Variants in VAV3 observed in about 807,000 individuals in gnomAD.
VAV3 encodes guanine nucleotide exchange factor VAV3.
A neutral mutation model predicts 131.2 loss-of-function variants in VAV3; 94 were observed. That is an observed-to-expected ratio of 0.72 (90% CI 0.61 to 0.85). The LOEUF (loss-of-function observed/expected upper bound fraction) is 0.85. VAV3 is among the 40% of genes least tolerant of loss of function. The pLI, the probability that VAV3 is intolerant of heterozygous loss-of-function variation, is 0.00. For missense variants in VAV3, 939 were observed against 1,002.7 expected (o/e 0.94, Z 0.86); for synonymous variants, 349 against 342.0 (o/e 1.02, Z -0.22).
chr1:107,947,119 T>C (rs1674308514), intron 1 of VAV3, among the ~76,000 whole-genome samples: 1 of 152,160 alleles, frequency 6.6e-6, no homozygotes, highest in Admixed American at 6.5e-5. Flanking sequence ...TGCCACCCAC[T>C]GGTGATCACA....
At chr1:107,697,336 C>T (rs2494059) in intron 17 of VAV3, among the ~76,000 whole-genome samples, 132,496 of 152,156 alleles carry the variant, frequency 0.87, 57,797 homozygotes, top group Middle Eastern at 0.96. Flanking sequence ...TCGGTGTTAC[C>T]GGTCTCTCAA....
At chr1:107,704,402 G>C (rs1660320521) in intron 17 of VAV3, 148 bp downstream of exon 17, 3 of 586,806 alleles carry the variant, frequency 5.1e-6, no homozygotes, top group Non-Finnish European at 8.7e-6. Flanking sequence ...TAAATTTTAA[G>C]CATTTTTCTA....
chr1:107,768,955 CTT>C (rs1373765848), intron 6 of VAV3, among the ~76,000 whole-genome samples: 2 of 152,166 alleles, frequency 1.3e-5, no homozygotes, highest in East Asian at 3.9e-4. Flanking sequence ...TACCATATCT[CTT>C]TCATTCTCGG....
At chr1:107,753,549 T>TATATATATATATATATATATACACACAC (rs771773884) in intron 12 of VAV3, among the ~76,000 whole-genome samples, 7 of 81,990 alleles carry the variant, frequency 8.5e-5, no homozygotes, top group African/African-American at 1.4e-4. Context: ...TATATATATA[T>TATATATATATATATATATATACACACAC]ACACACACAC....
chr1:107,841,089 T>A, intron 2 of VAV3, among the ~76,000 whole-genome samples: 1 of 152,148 alleles, frequency 6.6e-6, no homozygotes. Flanking sequence ...GGGAGACCAC[T>A]CAGGGGAATG....
chr1:107,960,474 A>C (rs1215768693), intron 1 of VAV3, among the ~76,000 whole-genome samples: 1 of 151,990 alleles, frequency 6.6e-6, no homozygotes, highest in Admixed American at 6.6e-5. Flanking sequence ...TCAAAAAAAA[A>C]AAGAAAAGAA....
chr1:107,775,650 C>G (rs553061950), intron 4 of VAV3, among the ~76,000 whole-genome samples: 1 of 146,184 alleles, frequency 6.8e-6, no homozygotes, highest in African/African-American at 2.5e-5. Context: ...CTTAAACAAT[C>G]TGAGTACATT....
At chr1:107,585,858 G>A (rs1256484045) in intron 25 of VAV3, among the ~76,000 whole-genome samples, 2 of 152,144 alleles carry the variant, frequency 1.3e-5, no homozygotes, top group African/African-American at 4.8e-5. Context: ...TACAGTTTCA[G>A]CATCCTGCTC....
At position 107,940,145 on chromosome 1, in the gene VAV3, T is replaced by C. The variant is rs576962397; in HGVS notation, c.204+24521A>G. 1.2e-4 allele frequency among the ~76,000 whole-genome samples: 18 copies of C among 152,316 alleles called. No homozygotes were observed. In the South Asian group the frequency reaches 3.1e-3, roughly 26 times the overall value. On this transcript the variant is annotated intron_variant, in intron 1 of 26. Transcript: ENST00000370056. ...AGCTCTTGATGCCTGGGTAGAATTGTAGAGGTTTTTGTTGTTTTTGTTTGT... is the reference window on the plus strand; with the variant it reads ...AGCTCTTGATGCCTGGGTAGAATTGCAGAGGTTTTTGTTGTTTTTGTTTGT...
intron 2 of VAV3, among the ~76,000 whole-genome samples, chr1:107,794,344 A>T (rs1225996528): frequency 9.6e-6 from 1 of 104,606 alleles, no homozygotes; most frequent in Non-Finnish European, 2.4e-5. Context: ...AGCTTGATTC[A>T]TCATTTTCTC....
In VAV3 at chr1:107,658,475, G is replaced by T. The variant is rs1015817093; in HGVS notation, c.1778-15720C>A. ...TTGGGTATATACCCAGTAATGGGAT[G>T]GCTGGGTCAAATGGTATTTCTAGTT... On this transcript the variant is annotated intron_variant, in intron 19 of 26. Coordinates refer to ENST00000370056, the MANE Select transcript of VAV3 (RefSeq NM_006113.5). Among the ~76,000 whole-genome samples the T allele has an allele frequency of 1.2e-4, 18 of 152,146 alleles. No homozygotes were observed. The South Asian group carries it at 1.2e-3, about 11-fold the overall frequency.
intron 1 of VAV3, among the ~76,000 whole-genome samples, chr1:107,951,013 G>A (rs1324507193): frequency 6.6e-6 from 1 of 152,122 alleles, no homozygotes; most frequent in Non-Finnish European, 1.5e-5. Context: ...TCATGCTCCA[G>A]CCTATCCACC....
Position 107,596,211 on chromosome 1 carries a change from C to A in VAV3, c.2350+1G>T. 6.2e-7 allele frequency: 1 copy of A among 1,611,274 alleles called. No homozygotes were observed. The highest frequency in any genetic ancestry group is 2.2e-5 in the East Asian group (1 of 44,828). Reference sequence around the variant, plus strand: ...ATTGTATTCTCAATTACAATACTTACAGCTGTTGCCTGCTCTATTACCCCT... The same window carrying A: ...ATTGTATTCTCAATTACAATACTTAAAGCTGTTGCCTGCTCTATTACCCCT... On this transcript the variant is annotated splice_donor_variant, in intron 25 of 26. Coordinates refer to ENST00000370056, the MANE Select transcript of VAV3 (RefSeq NM_006113.5). LOFTEE classifies it high-confidence loss of function.
intron 1 of VAV3, among the ~76,000 whole-genome samples, chr1:107,885,966 G>A (rs988596216): frequency 6.6e-5 from 10 of 152,130 alleles, no homozygotes; most frequent in African/African-American, 1.9e-4. Context: ...TAGTTCCAAC[G>A]AAGGGAGATT....
chr1:107,763,171 C>T (rs1019327282), intron 9 of VAV3, among the ~76,000 whole-genome samples: 3 of 152,168 alleles, frequency 2.0e-5, no homozygotes. Flanking sequence ...AAGTATCCGA[C>T]TTAATACTTC....
chr1:107,642,858 TACC>T (rs1655453608), intron 19 of VAV3, 103 bp from the exon 20 acceptor site: 5 of 1,492,118 alleles, frequency 3.4e-6, no homozygotes, highest in Non-Finnish European at 3.6e-6. Context: ...AAAGTGTTAA[TACC>T]ACCAAGTCCA....
Position 107,616,625 on chromosome 1 carries a change from AAC to A in VAV3, c.1980+940_1980+941del, listed in dbSNP as rs1653174563. ...AAATGTGATATTAGATCACAAAACC[AAC>A]AGAGTAACAGACGCTTTTCTATTCT... On this transcript the variant is annotated intron_variant, in intron 21 of 26. Coordinates refer to ENST00000370056, the MANE Select transcript of VAV3 (RefSeq NM_006113.5). 2.6e-5 allele frequency among the ~76,000 whole-genome samples: 4 copies of A among 152,316 alleles called. No individual in the cohort carries two copies. The South Asian group carries it at 8.3e-4, about 32-fold the overall frequency.
intron 1 of VAV3, among the ~76,000 whole-genome samples, chr1:107,902,250 G>C (rs181913134): frequency 3.3e-4 from 50 of 152,264 alleles, no homozygotes; most frequent in African/African-American, 1.1e-3. Flanking sequence ...AGTTTTCTGT[G>C]CTAAGTTTCT....
At chr1:107,853,663 CAGAA>C (rs1669334565) in intron 2 of VAV3, among the ~76,000 whole-genome samples, 1 of 151,030 alleles carries the variant, frequency 6.6e-6, no homozygotes, top group Non-Finnish European at 1.5e-5. Context: ...AAGCAGGACA[CAGAA>C]AGACCATCAC....
Sources: gnomAD v4.1 joint callset for allele counts (sites outside exome capture counted in the v4.1 genomes callset) on GRCh38, gnomAD v4.1.1 for gene constraint, MANE v1.5 for transcripts, NCBI Gene and HGNC (gene_info 2026-07-23, HGNC 2026-07-21) for gene names.